The following HAT1 variants were observed in gnomAD, a reference collection of about 807,000 sequenced individuals.
HAT1 encodes histone acetyltransferase 1.
HAT1 carries 20 observed loss-of-function variants against 56.6 expected under a neutral mutation model. The ratio of observed to expected loss-of-function variants is 0.35; its 90% confidence interval spans 0.25 to 0.51. HAT1 has a LOEUF of 0.51. HAT1 is among the 20% of genes least tolerant of loss of function. HAT1 has a pLI of 0.95. For synonymous variants in HAT1, 146 were observed against 165.5 expected, an observed-to-expected ratio of 0.88 and a Z score of 0.91; for missense variants, 408 against 504.3, an observed-to-expected ratio of 0.81 and a Z score of 1.83.
chr2:171,965,489 G>A lies in HAT1; in HGVS notation c.461G>A (p.Gly154Glu), dbSNP rs779399365. The change falls in exon 5 of 11, where the codon GGA becomes GAA. Residue 154 changes from glycine to glutamate, a missense_variant. Physicochemically the swap from Gly to Glu is moderately conservative, Grantham distance 98. Coordinates refer to ENST00000264108, the MANE Select transcript of HAT1 (RefSeq NM_003642.4). ...TACTCAGTTCTCAGTCCAACAGGAG[G>A]AGAAAACTTTACCTTTCAGATATAT... Reference protein sequence around the residue: ...HTYSVLSPTGGENFTFQIYKA... With the variant: ...HTYSVLSPTGEENFTFQIYKA... 6.3e-7 allele frequency: 1 copy of A among 1,596,154 alleles called. No homozygotes were observed. Among genetic ancestry groups the A allele is most frequent in the Non-Finnish European group, 8.5e-7 (1 of 1,171,290 alleles).
In HAT1 at chr2:171,922,487, A is replaced by G. The variant is rs1280114335; in HGVS notation, c.-14A>G. 1.5e-6 allele frequency: 2 copies of G among 1,319,024 alleles called. No individual in the cohort carries two copies. The highest frequency in any genetic ancestry group is 2.0e-6 in the Non-Finnish European group (2 of 1,024,522). 81.7% of individuals were successfully genotyped at this position (1,319,024 alleles called of 1,614,324 possible). ...ATTCGTCCTTCCTCAGCCGCGGGTG[A>G]TCGTAGCTCGGAAATGGCGGGTAAG... On this transcript the variant is annotated 5_prime_UTR_variant, in exon 1 of 11. Transcript: ENST00000264108.
At chr2:171,935,713 C>CA (rs1403625866) in intron 2 of HAT1, among the ~76,000 whole-genome samples, 2 of 151,406 alleles carry the variant, frequency 1.3e-5, no homozygotes, top group East Asian at 3.9e-4. Context: ...CCCATTTCTA[C>CA]AAAAAATAAA....
intron 2 of HAT1, among the ~76,000 whole-genome samples, chr2:171,940,586 C>A (rs1243780092): frequency 6.6e-6 from 1 of 152,198 alleles, no homozygotes; most frequent in Non-Finnish European, 1.5e-5. Flanking sequence ...AGTGCAGACG[C>A]ATTTGATGAA....
At chr2:171,930,285 C>T (rs917772172) in intron 2 of HAT1, among the ~76,000 whole-genome samples, 25 of 152,258 alleles carry the variant, frequency 1.6e-4, no homozygotes, top group African/African-American at 5.3e-4. Flanking sequence ...GATCCTCTTA[C>T]CACAGCTTCC....
chr2:171,965,302 A>G lies in HAT1; in HGVS notation c.310-36A>G. The stretch of plus-strand genomic sequence containing the variant: ...TAAACCATATTCAACTTAAAGTCGA[A>G]TTTGTTATTAATTTTTTATATCCTT... On this transcript the variant is annotated intron_variant, in intron 4 of 10. Transcript: ENST00000264108. The G allele has an allele frequency of 1.6e-6, 2 of 1,279,636 alleles. 1 individual carries two copies. Among genetic ancestry groups the G allele is most frequent in the South Asian group, 2.7e-5 (2 of 72,944 alleles). 79.3% of individuals were successfully genotyped at this position (1,279,636 alleles called of 1,614,324 possible). A position where few individuals can be genotyped will look rare whatever the true frequency, so the allele number is the denominator to read the frequency against.
chr2:171,934,666 G>A (rs1409855530), intron 2 of HAT1, among the ~76,000 whole-genome samples: 1 of 151,626 alleles, frequency 6.6e-6, no homozygotes, highest in Non-Finnish European at 1.5e-5. Flanking sequence ...CTTCAAGTTA[G>A]TTCTCATGAA....
chr2:171,927,510 C>A (rs1254961552), intron 2 of HAT1, among the ~76,000 whole-genome samples: 1 of 152,132 alleles, frequency 6.6e-6, no homozygotes, highest in African/African-American at 2.4e-5. Context: ...CTTGGAACAT[C>A]CTGTCATCTG....
chr2:171,951,578 C>A (rs946120039), intron 3 of HAT1, among the ~76,000 whole-genome samples: 1 of 149,752 alleles, frequency 6.7e-6, no homozygotes, highest in Non-Finnish European at 1.5e-5. Context: ...CACCACCACA[C>A]CTGCCTATTT....
intron 8 of HAT1, among the ~76,000 whole-genome samples, chr2:171,970,416 G>C (rs1281590989): frequency 7.0e-6 from 1 of 142,166 alleles, no homozygotes; most frequent in African/African-American, 2.7e-5. Context: ...AAAACACACA[G>C]ATTCACACAC....
In HAT1 at chr2:171,966,424, TA is replaced by T; in HGVS notation, c.629del (p.Lys210ArgfsTer10). 6.4e-7 allele frequency: 1 copy of T among 1,572,742 alleles called. No individual in the cohort carries two copies. The highest frequency in any genetic ancestry group is 1.3e-5 in the African/African-American group (1 of 74,250). On this transcript the variant is annotated frameshift_variant, in exon 7 of 11. Coordinates refer to ENST00000264108, the MANE Select transcript of HAT1 (RefSeq NM_003642.4). LOFTEE classifies it high-confidence loss of function. ...TTATCTGCAGATTTGAGAAGTATAA[TA>T]AGGATGGAGCTACGCTCTTTGCGAC... ...HYFLVFEKYNKDGATLFATVG... is the reference protein window; with the variant it reads ...HYFLVFEKYNXDGATLFATVG...
intron 10 of HAT1, among the ~76,000 whole-genome samples, chr2:171,982,602 C>G (rs1688159656): frequency 2.0e-5 from 3 of 152,186 alleles, no homozygotes; most frequent in Non-Finnish European, 4.4e-5. Context: ...TATCCTAAGT[C>G]AAACCAGGAG....
chr2:171,968,212 C>T (rs186996674), intron 8 of HAT1, among the ~76,000 whole-genome samples: 52 of 152,160 alleles, frequency 3.4e-4, no homozygotes, highest in Admixed American at 1.2e-3. Context: ...ATTGTTTAAG[C>T]GACAACTTCA....
At chr2:171,925,675 A>T in intron 2 of HAT1, 34 bp downstream of exon 2, 1 of 868,192 alleles carries the variant, frequency 1.2e-6, no homozygotes, top group Admixed American at 1.8e-5. Flanking sequence ...TGTTATGTAC[A>T]TACTGTGTGT....
chr2:171,973,691 T>C lies in HAT1; in HGVS notation c.824-2466T>C, dbSNP rs145368464. On this transcript the variant is annotated intron_variant, in intron 8 of 10. Transcript: ENST00000264108. ...CACAAACCCTATTGTGAACTGCACA[T>C]GTGAAGGATGTAGGTCGAATCTAAC... is the stretch of plus-strand genomic sequence containing the variant. Among the ~76,000 whole-genome samples the C allele has an allele frequency of 3.7e-3, 567 of 152,258 alleles. 5 individuals carry two copies. Among genetic ancestry groups the C allele is most frequent in the Non-Finnish European group, 6.1e-3 (414 of 68,020 alleles).
In HAT1 at chr2:171,970,720, G is replaced by A. The variant is rs1205931156; in HGVS notation, c.823+3771G>A. ...TTTTTAGTAGAGACGGGGTTTCACC[G>A]TATTGGCCAGGCTGGTCTCGAACTC... is the stretch of plus-strand genomic sequence containing the variant. On this transcript the variant is annotated intron_variant, in intron 8 of 10. Coordinates refer to ENST00000264108, the MANE Select transcript of HAT1 (RefSeq NM_003642.4). Among the ~76,000 whole-genome samples, 4 of 149,308 alleles carry A rather than the reference G, an allele frequency of 2.7e-5. No individual in the cohort carries two copies. In the East Asian group the frequency reaches 6.3e-4, roughly 23 times the overall value.
intron 3 of HAT1, among the ~76,000 whole-genome samples, 159 bp downstream of exon 3, chr2:171,946,942 C>T (rs1687182751): frequency 2.0e-5 from 3 of 151,390 alleles, no homozygotes; most frequent in African/African-American, 7.3e-5. Flanking sequence ...ATTGAGACAC[C>T]AGTTATTTTA....
chr2:171,923,383 G>C (rs1290901943), intron 1 of HAT1: 1 of 152,102 alleles, frequency 6.6e-6, no homozygotes, highest in Admixed American at 6.6e-5. Context: ...TCTTGCCTCA[G>C]CCTCCCGAGT....
chr2:171,971,245 C>T lies in HAT1; in HGVS notation c.823+4296C>T, dbSNP rs184765657. ...GTTTTACAAGAGATACTTGCTTAAG[C>T]GTTTGTCTCTAGTAGAGTTTTTAAT... On this transcript the variant is annotated intron_variant, in intron 8 of 10. Coordinates refer to ENST00000264108, the MANE Select transcript of HAT1 (RefSeq NM_003642.4). 8.5e-5 allele frequency among the ~76,000 whole-genome samples: 13 copies of T among 152,286 alleles called. 1 individual carries two copies. Among genetic ancestry groups the T allele is most frequent in the African/African-American group, 2.6e-4 (11 of 41,554 alleles).
intron 9 of HAT1, among the ~76,000 whole-genome samples, chr2:171,977,554 TA>T (rs1479721799): frequency 1.4e-3 from 28 of 20,566 alleles, no homozygotes; most frequent in African/African-American, 4.8e-3. Context: ...TATATATATA[TA>T]TATTTTTTTT....
Sources: allele counts gnomAD v4.1 joint callset (sites outside exome capture counted in the v4.1 genomes callset), GRCh38; gene constraint gnomAD v4.1.1; transcripts MANE v1.5; gene names NCBI Gene and HGNC (gene_info 2026-07-23, HGNC 2026-07-21).